PDZRN4: variants seen among roughly 807,000 people sequenced by gnomAD.
PDZRN4 encodes the protein PDZ domain containing ring finger 4.
Under a neutral mutation model 99.0 loss-of-function variants are expected in PDZRN4, and 70 were observed. That is an observed-to-expected ratio of 0.71 (90% confidence interval 0.58 to 0.86). The LOEUF (loss-of-function observed/expected upper bound fraction) is 0.86, where lower values mean the gene tolerates loss of function less well. Among genes scored for constraint, PDZRN4 ranks in the 40% least tolerant of loss-of-function variants. The pLI, the probability that PDZRN4 is intolerant of heterozygous loss-of-function variation, is 0.00. For missense variants in PDZRN4, 1,474 were observed against 1,331.2 expected, an observed-to-expected ratio of 1.11 and a Z score of -1.67; for synonymous variants, 551 against 501.6, an observed-to-expected ratio of 1.10 and a Z score of -1.32.
At chr12:41,541,449 CTTT>C (rs66828349) in intron 5 of PDZRN4, among the ~76,000 whole-genome samples, 2,869 of 137,320 alleles carry the variant, frequency 0.021, 84 homozygotes, top group African/African-American at 0.068. Flanking sequence ...TTCTTCTAGA[CTTT>C]TTTTTTTTTT....
At chr12:41,230,928 C>A (rs1296134339) in intron 3 of PDZRN4, among the ~76,000 whole-genome samples, 1 of 151,974 alleles carries the variant, frequency 6.6e-6, no homozygotes, top group African/African-American at 2.4e-5. Flanking sequence ...TCAAAAATAA[C>A]AATATACTCT....
At chr12:41,189,207 T>A in intron 1 of PDZRN4, 104 bp downstream of exon 1, 1 of 1,078,982 alleles carries the variant, frequency 9.3e-7, no homozygotes, top group Non-Finnish European at 1.3e-6. Flanking sequence ...GCATCCTTCC[T>A]CACTATGCAG....
chr12:41,527,871 A>G (rs1393327640), intron 5 of PDZRN4, among the ~76,000 whole-genome samples: 2 of 152,130 alleles, frequency 1.3e-5, no homozygotes, highest in South Asian at 2.1e-4. Flanking sequence ...AGGTTTTTCT[A>G]TTTCCACCCA....
intron 5 of PDZRN4, among the ~76,000 whole-genome samples, chr12:41,548,687 CT>C (rs139439984): frequency 2.0e-5 from 3 of 152,140 alleles, no homozygotes; most frequent in Non-Finnish European, 4.4e-5. Flanking sequence ...AAAGCCAATG[CT>C]TTTTAAGCAG....
intron 3 of PDZRN4, among the ~76,000 whole-genome samples, chr12:41,297,341 A>T (rs990947751): frequency 3.3e-5 from 5 of 152,178 alleles, no homozygotes; most frequent in African/African-American, 1.2e-4. Context: ...TAAATTTTTT[A>T]AAATCTGATA....
chr12:41,195,742 C>T (rs1282725350), intron 3 of PDZRN4, among the ~76,000 whole-genome samples: 3 of 152,150 alleles, frequency 2.0e-5, no homozygotes, highest in Non-Finnish European at 1.5e-5. Flanking sequence ...CTAGTGGAAA[C>T]ATTCACATGC....
chr12:41,573,316 A>G lies in PDZRN4; in HGVS notation c.2537A>G (p.His846Arg). The G allele has an allele frequency of 6.2e-7, 1 of 1,613,344 alleles. No individual in the cohort carries two copies. Among genetic ancestry groups the G allele is most frequent in the Non-Finnish European group, 8.5e-7 (1 of 1,180,006 alleles). Residue 846 changes from histidine (H) to arginine (R), a missense_variant, in exon 10 of 10, where the codon CAC (histidine) becomes CGC (arginine). His to Arg is a conservative substitution (Grantham distance 29). Coordinates refer to ENST00000402685, the MANE Select transcript of PDZRN4 (RefSeq NM_001164595.2). ...SSYRYANIPA[H>R]ARHYQSYMQL... ...TATAGATATGCAAACATCCCAGCAC[A>G]CGCCCGGCATTATCAAAGCTACATG...
At chr12:41,393,808 A>G (rs1264063840) in intron 3 of PDZRN4, among the ~76,000 whole-genome samples, 2 of 152,198 alleles carry the variant, frequency 1.3e-5, no homozygotes, top group African/African-American at 4.8e-5. Flanking sequence ...GTGCCTTAGC[A>G]GGAGGCACAT....
intron 3 of PDZRN4, among the ~76,000 whole-genome samples, chr12:41,335,913 T>G (rs1396893588): frequency 6.6e-6 from 1 of 152,126 alleles, no homozygotes; most frequent in Non-Finnish European, 1.5e-5. Context: ...CTATAAAAGG[T>G]CAGTGCACTA....
intron 3 of PDZRN4, among the ~76,000 whole-genome samples, chr12:41,382,378 G>A (rs767984809): frequency 1.3e-5 from 2 of 152,160 alleles, no homozygotes; most frequent in Non-Finnish European, 2.9e-5. Context: ...CATGTCCACT[G>A]GCTGACCAAG....
chr12:41,474,835 A>T (rs1021496696), intron 3 of PDZRN4, among the ~76,000 whole-genome samples: 4 of 152,226 alleles, frequency 2.6e-5, no homozygotes. Context: ...AATATGAAAC[A>T]TAGGTGTGAA....
chr12:41,375,051 G>T (rs893439659), intron 3 of PDZRN4, among the ~76,000 whole-genome samples: 1 of 152,140 alleles, frequency 6.6e-6, no homozygotes, highest in African/African-American at 2.4e-5. Context: ...AGGCCCATGT[G>T]GGAAAGAATG....
intron 3 of PDZRN4, among the ~76,000 whole-genome samples, chr12:41,494,553 T>C (rs1937956167): frequency 6.6e-6 from 1 of 152,046 alleles, no homozygotes; most frequent in Non-Finnish European, 1.5e-5. Context: ...CTATAGAAAA[T>C]AGCATCAGTT....
At chr12:41,569,580 A>T (rs1939439231) in intron 9 of PDZRN4, among the ~76,000 whole-genome samples, 1 of 152,168 alleles carries the variant, frequency 6.6e-6, no homozygotes, top group Non-Finnish European at 1.5e-5. Context: ...AACACATCTT[A>T]AAAGATGATA....
intron 7 of PDZRN4, among the ~76,000 whole-genome samples, chr12:41,558,711 C>T (rs542304411): frequency 6.7e-4 from 102 of 152,228 alleles, no homozygotes; most frequent in East Asian, 4.3e-3. Context: ...TGCTGTTTTC[C>T]GCCTGATTAC....
At chr12:41,367,376 GGT>G (rs1172226808) in intron 3 of PDZRN4, among the ~76,000 whole-genome samples, 1 of 152,010 alleles carries the variant, frequency 6.6e-6, no homozygotes, top group African/African-American at 2.4e-5. Flanking sequence ...CAGGCATGGT[GGT>G]GCTGCCTGGA....
chr12:41,535,446 A>G (rs897463289), intron 5 of PDZRN4, among the ~76,000 whole-genome samples: 1 of 152,200 alleles, frequency 6.6e-6, no homozygotes, highest in South Asian at 2.1e-4. Flanking sequence ...TTGAACTGCA[A>G]ACTTCTGTGA....
At chr12:41,452,034 T>G (rs1952778944) in intron 3 of PDZRN4, among the ~76,000 whole-genome samples, 1 of 152,108 alleles carries the variant, frequency 6.6e-6, no homozygotes, top group Non-Finnish European at 1.5e-5. Context: ...TAGAATCTTT[T>G]GTTAATATGT....
In PDZRN4 at chr12:41,456,993, C is replaced by T. The variant is rs11180927; in HGVS notation, c.844-49463C>T. 5.0e-3 allele frequency among the ~76,000 whole-genome samples: 755 copies of T among 152,230 alleles called. 8 individuals are homozygous for T. Among genetic ancestry groups the T allele is most frequent in the African/African-American group, 0.017 (714 of 41,528 alleles). ...GTGTGGGCAAAGGGTGATGGCCATA[C>T]CAGGAAGACAGGATTGTTTCCCTTA... On this transcript the variant is annotated intron_variant, in intron 3 of 9. Coordinates refer to ENST00000402685, the MANE Select transcript of PDZRN4 (RefSeq NM_001164595.2).
Sources: gnomAD v4.1 joint callset for allele counts (sites outside exome capture counted in the v4.1 genomes callset) on GRCh38, gnomAD v4.1.1 for gene constraint, MANE v1.5 for transcripts, NCBI Gene and HGNC (gene_info 2026-07-23, HGNC 2026-07-21) for gene names.